Variants in RNF24 observed in about 807,000 individuals in gnomAD.
The protein encoded by RNF24 is ring finger protein 24.
A neutral mutation model predicts 20.0 loss-of-function variants in RNF24; 14 were observed. The observed-to-expected ratio is 0.70, with a 90% CI of 0.46 to 1.10. The LOEUF is 1.10. RNF24 is among the 50% of genes least tolerant of loss of function. The pLI is 0.00. For missense variants in RNF24, 124 were observed against 177.6 expected, an observed-to-expected ratio of 0.70 and a Z score of 1.71; for synonymous variants, 45 against 61.1, an observed-to-expected ratio of 0.74 and a Z score of 1.23.
chr20:4,002,051 G>A lies in RNF24; in HGVS notation c.-8+13386C>T, dbSNP rs574283592. The stretch of plus-strand genomic sequence containing the variant: ...GCAGATCAGGAGGTCAGGAGATCGA[G>A]ACTAGCCTGGGCCACATCATGAAAC... On this transcript the variant is annotated intron_variant, in intron 1 of 5. Coordinates refer to ENST00000358395, the MANE Select transcript of RNF24 (RefSeq NM_001134337.3). Among the ~76,000 whole-genome samples, 256 of 152,126 alleles carry A rather than the reference G, an allele frequency of 1.7e-3. 1 individual carries two copies. Among genetic ancestry groups the A allele is most frequent in the African/African-American group, 5.8e-3 (241 of 41,508 alleles).
At chr20:3,975,254 C>A (rs1250149330) in intron 1 of RNF24, among the ~76,000 whole-genome samples, 1 of 152,044 alleles carries the variant, frequency 6.6e-6, no homozygotes, top group African/African-American at 2.4e-5. Flanking sequence ...AAAAAAACAA[C>A]TCAAAGTGGA....
At chr20:4,008,822 G>C (rs1018196968) in intron 1 of RNF24, among the ~76,000 whole-genome samples, 5 of 151,680 alleles carry the variant, frequency 3.3e-5, no homozygotes, top group Non-Finnish European at 7.4e-5. Context: ...TGGGATTACA[G>C]GCATAAGCCA....
Position 3,927,754 on chromosome 20 carries a change from T to A in RNF24, c.*6309A>T, listed in dbSNP as rs917774152. On this transcript the variant is annotated 3_prime_UTR_variant, in exon 6 of 6. Coordinates refer to ENST00000358395, the MANE Select transcript of RNF24 (RefSeq NM_001134337.3). The stretch of plus-strand genomic sequence containing the variant: ...GAAGGGCAGATGGAGAGGAACGGTG[T>A]GCAGTGGGCGTGAGATGCAGATCCA... 2 of 152,238 alleles carry A rather than the reference T, an allele frequency of 1.3e-5. No homozygotes were observed. The highest frequency in any genetic ancestry group is 2.9e-5 in the Non-Finnish European group (2 of 68,088). 9.4% of individuals were successfully genotyped at this position (152,238 alleles called of 1,614,324 possible). A position where few individuals can be genotyped will look rare whatever the true frequency, so the allele number is the denominator to read the frequency against.
At chr20:3,983,341 T>A (rs571472631) in intron 1 of RNF24, among the ~76,000 whole-genome samples, 83 of 152,326 alleles carry the variant, frequency 5.4e-4, no homozygotes, top group East Asian at 7.7e-4. Context: ...AGTTACCATA[T>A]ATATATTTGC....
intron 1 of RNF24, among the ~76,000 whole-genome samples, chr20:3,995,761 G>A (rs1433802233): frequency 6.6e-6 from 1 of 151,934 alleles, no homozygotes; most frequent in Admixed American, 6.6e-5. Flanking sequence ...GCAGCCAATG[G>A]AACAACTGAG....
intron 3 of RNF24, among the ~76,000 whole-genome samples, chr20:3,946,795 C>T (rs923876982): frequency 1.3e-5 from 2 of 151,844 alleles, no homozygotes; most frequent in Non-Finnish European, 2.9e-5. Flanking sequence ...CCACATGAGA[C>T]CTGTAAGAGT....
chr20:3,985,355 C>G (rs1159683577), intron 1 of RNF24, among the ~76,000 whole-genome samples: 1 of 152,182 alleles, frequency 6.6e-6, no homozygotes. Context: ...TCCAGAGTAG[C>G]TGGGCTTATA....
At chr20:4,012,740 G>A (rs891336014) in intron 1 of RNF24, among the ~76,000 whole-genome samples, 1 of 152,182 alleles carries the variant, frequency 6.6e-6, no homozygotes, top group Non-Finnish European at 1.5e-5. Context: ...ACAGAATGCT[G>A]AATAACAAGG....
rs768203877 is a variant in RNF24, at chr20:3,941,659, A to G, written c.228+3518T>C. ...CTAAATGTATCAGCAATTGCACTGA[A>G]TGTAAATGATCTATACATACCAATT... On this transcript the variant is annotated intron_variant, in intron 4 of 5. Transcript: ENST00000358395. Among the ~76,000 whole-genome samples the G allele has an allele frequency of 3.3e-5, 5 of 152,242 alleles. No homozygotes were observed. In the East Asian group the frequency reaches 7.7e-4, roughly 23 times the overall value.
At chr20:3,952,109 T>C (rs1303160371) in intron 2 of RNF24, among the ~76,000 whole-genome samples, 3 of 152,032 alleles carry the variant, frequency 2.0e-5, no homozygotes, top group Non-Finnish European at 4.4e-5. Flanking sequence ...GGCTTGGTTA[T>C]TCTTGGTTCT....
chr20:3,976,964 TTGTAGCTGCA>T, intron 1 of RNF24, among the ~76,000 whole-genome samples: 1 of 152,324 alleles, frequency 6.6e-6, no homozygotes, highest in Admixed American at 6.5e-5. Flanking sequence ...GTACTGTTTA[TTGTAGCTGCA>T]TGTGAGTCTA....
intron 4 of RNF24, 50 bp from the exon 5 acceptor site, chr20:3,935,123 CA>C (rs1374070610): frequency 6.5e-7 from 1 of 1,534,354 alleles, no homozygotes; most frequent in Admixed American, 1.7e-5. Flanking sequence ...AGTACCCTCC[CA>C]GGTACAAAGT....
intron 1 of RNF24, among the ~76,000 whole-genome samples, chr20:4,012,396 G>A (rs1982530548): frequency 6.7e-6 from 1 of 149,778 alleles, no homozygotes; most frequent in Non-Finnish European, 1.5e-5. Flanking sequence ...CAGCCTAGGG[G>A]ACAGGGTGAG....
intron 2 of RNF24, among the ~76,000 whole-genome samples, chr20:3,956,963 A>C (rs1483412106): frequency 3.3e-5 from 5 of 151,836 alleles, no homozygotes; most frequent in Non-Finnish European, 7.4e-5. Context: ...GCTGAGGAAC[A>C]TAGTGGGACT....
intron 1 of RNF24, among the ~76,000 whole-genome samples, chr20:3,978,995 G>A (rs1979145007): frequency 6.6e-6 from 1 of 151,244 alleles, no homozygotes; most frequent in Non-Finnish European, 1.5e-5. Flanking sequence ...AATCCCAGCT[G>A]AGGCAGGAGA....
intron 1 of RNF24, among the ~76,000 whole-genome samples, chr20:3,979,283 G>C (rs13041351): frequency 1.3e-5 from 2 of 151,996 alleles, no homozygotes; most frequent in Non-Finnish European, 2.9e-5. Context: ...AGAACTCTTA[G>C]AGGCCACAAT....
At chr20:3,986,913 CT>C (rs907993786) in intron 1 of RNF24, among the ~76,000 whole-genome samples, 1 of 151,136 alleles carries the variant, frequency 6.6e-6, no homozygotes, top group Non-Finnish European at 1.5e-5. Context: ...CCTTTTTTTT[CT>C]TTTTTTTAAA....
chr20:3,973,084 T>A (rs1302210748), intron 1 of RNF24, among the ~76,000 whole-genome samples: 3 of 151,916 alleles, frequency 2.0e-5, no homozygotes, highest in African/African-American at 7.3e-5. Flanking sequence ...GTGCCTGTAA[T>A]CCCAGCTACT....
In RNF24 at chr20:3,933,924, C is replaced by T; in HGVS notation, c.*139G>A. 1 of 836,830 alleles carries T rather than the reference C, an allele frequency of 1.2e-6. No homozygotes were observed. Among genetic ancestry groups the T allele is most frequent in the South Asian group, 3.8e-5 (1 of 26,002 alleles). 51.8% of individuals were successfully genotyped at this position (836,830 alleles called of 1,614,324 possible). A position where few individuals can be genotyped will look rare whatever the true frequency, so the allele number is the denominator to read the frequency against. ...CCAGACACCTAGGTTCCCAGTTTGG[C>T]TGGCCCAAGAGTTCTTCATGAGGCA... On this transcript the variant is annotated 3_prime_UTR_variant, in exon 6 of 6. Transcript: ENST00000358395.
Sources: allele counts gnomAD v4.1 joint callset (sites outside exome capture counted in the v4.1 genomes callset), GRCh38; gene constraint gnomAD v4.1.1; transcripts MANE v1.5; gene names NCBI Gene and HGNC (gene_info 2026-07-23, HGNC 2026-07-21).